Variants in KLF8 observed in about 807,000 individuals in gnomAD.
KLF8 encodes the protein KLF transcription factor 8.
In KLF8, 10 loss-of-function variants were observed where a neutral mutation model predicts 18.2. The observed-to-expected ratio is 0.55, with a 90% CI of 0.34 to 0.93. KLF8 has a LOEUF of 0.93. KLF8 is among the 40% of genes least tolerant of loss of function. The pLI, the probability that KLF8 is intolerant of heterozygous loss-of-function variation, is 0.02. For missense variants in KLF8, 264 were observed against 277.9 expected, an observed-to-expected ratio of 0.95 and a Z score of 0.36; for synonymous variants, 109 against 97.3, an observed-to-expected ratio of 1.12 and a Z score of -0.71.
the KLF8 span, among the ~76,000 whole-genome samples, chrX:56,222,413 A>T: frequency 1.8e-5 from 2 of 112,172 alleles, no homozygotes; most frequent in Non-Finnish European, 3.8e-5. Flanking sequence ...AGCTAGACAC[A>T]GGGCGCTGAT....
At chrX:55,926,279 G>A in the KLF8 span, among the ~76,000 whole-genome samples, 2 of 111,459 alleles carry the variant, frequency 1.8e-5, no homozygotes, top group Non-Finnish European at 3.8e-5. Flanking sequence ...GAAAGCCGTA[G>A]GCACTAGGGA....
chrX:56,251,950 A>C (rs1262662628), intron 2 of KLF8, among the ~76,000 whole-genome samples: 2 of 111,653 alleles, frequency 1.8e-5, no homozygotes, highest in Non-Finnish European at 3.8e-5. Flanking sequence ...GTGTACAATT[A>C]AGTTATTATT....
chrX:56,157,469 AC>A, the KLF8 span, among the ~76,000 whole-genome samples: 1 of 111,073 alleles, frequency 9.0e-6, no homozygotes, highest in Non-Finnish European at 1.9e-5. Context: ...CGCCACACTG[AC>A]TTCCATAATG....
chrX:56,165,568 A>G, the KLF8 span, among the ~76,000 whole-genome samples: 3 of 112,189 alleles, frequency 2.7e-5, no homozygotes, highest in South Asian at 1.1e-3. Flanking sequence ...GTTTCATTGT[A>G]CAATAACAAA....
chrX:56,003,936 C>A, the KLF8 span, among the ~76,000 whole-genome samples: 1 of 112,393 alleles, frequency 8.9e-6, no homozygotes, highest in Non-Finnish European at 1.9e-5. Flanking sequence ...GTACAATTGA[C>A]CTTGTGTAGT....
the KLF8 span, among the ~76,000 whole-genome samples, chrX:56,099,607 G>A: frequency 9.2e-6 from 1 of 109,169 alleles, no homozygotes; most frequent in Admixed American, 9.6e-5. Flanking sequence ...AATGAAAAGC[G>A]CTTAAGACAA....
the KLF8 span, among the ~76,000 whole-genome samples, chrX:56,022,486 T>C: frequency 1.0e-5 from 1 of 96,877 alleles, no homozygotes; most frequent in East Asian, 3.1e-4. Context: ...GAGGCAGAGC[T>C]TGCGGTGAGC....
At chrX:56,078,466 C>T in the KLF8 span, among the ~76,000 whole-genome samples, 1 of 111,979 alleles carries the variant, frequency 8.9e-6, no homozygotes, top group East Asian at 2.8e-4. Context: ...ATATATTGAA[C>T]CAGCCTTGCA....
the KLF8 span, among the ~76,000 whole-genome samples, chrX:55,927,776 A>G: frequency 9.0e-6 from 1 of 111,302 alleles, no homozygotes; most frequent in East Asian, 2.8e-4. Flanking sequence ...ATTGATTTGG[A>G]ATTTTTAATA....
chrX:56,238,603 A>G (rs1316878810), intron 1 of KLF8, among the ~76,000 whole-genome samples: 1 of 111,349 alleles, frequency 9.0e-6, no homozygotes, highest in African/African-American at 3.3e-5. Flanking sequence ...TTAAAACAGT[A>G]CTTGTATTTT....
the KLF8 span, among the ~76,000 whole-genome samples, chrX:56,193,367 G>T: frequency 8.9e-6 from 1 of 111,815 alleles, no homozygotes; most frequent in Admixed American, 9.5e-5. Flanking sequence ...GTACATTTTG[G>T]GTGGGGTTGT....
the KLF8 span, among the ~76,000 whole-genome samples, chrX:55,916,042 G>T: frequency 8.9e-6 from 1 of 111,889 alleles, no homozygotes; most frequent in Non-Finnish European, 1.9e-5. Context: ...AACAGGTACT[G>T]GTTCTGTTTG....
rs58833140 is a variant in KLF8, at chrX:56,288,124, CAA to C, written c.*3631_*3632del. Among the ~76,000 whole-genome samples the C allele has an allele frequency of 0.19, 20,263 of 109,316 alleles. 3,895 individuals are homozygous for C. Among genetic ancestry groups the C allele is most frequent in the African/African-American group, 0.58 (17,272 of 29,599 alleles). 94.9% of individuals were successfully genotyped at this position (109,316 alleles called of 115,157 possible). On this transcript the variant is annotated 3_prime_UTR_variant, in exon 6 of 6. Transcript: ENST00000468660. ...TAGTGGTGGGTGCCTGTAATCCCAG[CAA>C]TACTTGAGAGGCTGAGGCAAGAGAA...
chrX:56,005,433 T>A, the KLF8 span, among the ~76,000 whole-genome samples: 1 of 111,831 alleles, frequency 8.9e-6, no homozygotes, highest in East Asian at 2.8e-4. Context: ...GTTAAGTGCA[T>A]GCTGTAGCCA....
chrX:55,998,179 G>A, the KLF8 span, among the ~76,000 whole-genome samples: 1 of 112,594 alleles, frequency 8.9e-6, no homozygotes, highest in African/African-American at 3.2e-5. Context: ...CCCTATCTCA[G>A]TAGATGGAAC....
At chrX:56,043,325 G>T in the KLF8 span, among the ~76,000 whole-genome samples, 3 of 109,816 alleles carry the variant, frequency 2.7e-5, no homozygotes, top group Non-Finnish European at 3.8e-5. Context: ...ATCTTACAGG[G>T]GTTCTCTGCA....
At chrX:56,148,588 T>C in the KLF8 span, among the ~76,000 whole-genome samples, 1 of 111,971 alleles carries the variant, frequency 8.9e-6, no homozygotes, top group South Asian at 3.7e-4. Context: ...ATTAAAGACA[T>C]ACTCAAGACT....
chrX:56,158,907 G>A, the KLF8 span, among the ~76,000 whole-genome samples: 1 of 111,431 alleles, frequency 9.0e-6, no homozygotes, highest in Non-Finnish European at 1.9e-5. Context: ...GCCCTGGCCA[G>A]AACTTCCAAC....
chrX:56,272,085 G>GA (rs1274982943), intron 5 of KLF8, among the ~76,000 whole-genome samples: 4 of 111,527 alleles, frequency 3.6e-5, no homozygotes, highest in East Asian at 2.8e-4. Flanking sequence ...CATATGAAGG[G>GA]AAAAAATGGC....
Sources: gnomAD v4.1 joint callset for allele counts (sites outside exome capture counted in the v4.1 genomes callset) on GRCh38, gnomAD v4.1.1 for gene constraint, MANE v1.5 for transcripts, NCBI Gene and HGNC (gene_info 2026-07-23, HGNC 2026-07-21) for gene names.